PSMA8: variants seen among roughly 807,000 people sequenced by gnomAD.
PSMA8 encodes proteasome subunit alpha-type 8.
PSMA8 carries 18 observed loss-of-function variants against 32.4 expected under a neutral mutation model. The ratio of observed to expected loss-of-function variants is 0.56; its 90% CI spans 0.38 to 0.82. The LOEUF (loss-of-function observed/expected upper bound fraction) is 0.82. PSMA8 is among the 40% of genes least tolerant of loss of function. The pLI is 0.00. For missense variants in PSMA8, 298 were observed against 300.7 expected (o/e 0.99, Z 0.07); for synonymous variants, 104 against 98.1 (o/e 1.06, Z -0.36).
At chr18:26,141,463 T>A (rs1451383539) in intron 1 of PSMA8, among the ~76,000 whole-genome samples, 1 of 152,136 alleles carries the variant, frequency 6.6e-6, no homozygotes, top group Non-Finnish European at 1.5e-5. Context: ...ATTGTGAGAA[T>A]ATTTTGAGAT....
At chr18:26,170,928 G>C in intron 4 of PSMA8, 1 of 1,558,450 alleles carries the variant, frequency 6.4e-7, no homozygotes, top group Non-Finnish European at 8.6e-7. Context: ...CTTATAAACA[G>C]AACTGCCACC....
intron 6 of PSMA8, among the ~76,000 whole-genome samples, chr18:26,184,606 C>T (rs1313582885): frequency 1.3e-5 from 2 of 148,232 alleles, no homozygotes; most frequent in African/African-American, 2.5e-5. Context: ...AACCCCATCT[C>T]CACTAAAAAT....
intron 1 of PSMA8, among the ~76,000 whole-genome samples, chr18:26,140,947 C>T (rs1019638813): frequency 3.3e-5 from 5 of 152,138 alleles, no homozygotes; most frequent in African/African-American, 1.2e-4. Context: ...TTTTTCTACT[C>T]CGTAATATCT....
rs1178238876 is a variant in PSMA8 at position 26,163,243 on chromosome 18, A to G, written c.477+4999A>G. ...TATATATATATATATATATATATAT[A>G]TATATATATATATATATATGCTGTG... On this transcript the variant is annotated intron_variant, in intron 4 of 6. Transcript: ENST00000415576. Among the ~76,000 whole-genome samples, 46 of 124,188 alleles carry G rather than the reference A, an allele frequency of 3.7e-4. No individual in the cohort carries two copies. The East Asian group carries it at 6.2e-3, about 17-fold the overall frequency. The allele number at this position is 124,188 out of a possible 152,430, so 81.5% of individuals were successfully genotyped here. A position where few individuals can be genotyped will look rare whatever the true frequency, so the allele number is the denominator to read the frequency against.
intron 1 of PSMA8, among the ~76,000 whole-genome samples, chr18:26,143,752 C>T (rs938885063): frequency 1.3e-5 from 2 of 151,920 alleles, no homozygotes; most frequent in African/African-American, 4.8e-5. Flanking sequence ...GCTTGAGTCT[C>T]GCTCTGTTGC....
chr18:26,152,522 GC>G (rs1187928614), intron 3 of PSMA8, among the ~76,000 whole-genome samples: 1 of 151,996 alleles, frequency 6.6e-6, no homozygotes, highest in Non-Finnish European at 1.5e-5. Flanking sequence ...ATGGGGTTTT[GC>G]TATATTGCCC....
rs1380920210 is a variant in PSMA8 at position 26,192,300 on chromosome 18, A to T, written c.661-19A>T. 5 of 1,469,048 alleles carry T rather than the reference A, an allele frequency of 3.4e-6. No individual in the cohort carries two copies. Among genetic ancestry groups the T allele is most frequent in the Non-Finnish European group, 4.5e-6 (5 of 1,113,796 alleles). 91.0% of individuals were successfully genotyped at this position (1,469,048 alleles called of 1,614,324 possible). The stretch of plus-strand genomic sequence containing the variant: ...TCGTATAACTGACATTTGATCTTTA[A>T]ATTTTTTTCTCTTTTCAGATGTTTA... On this transcript the variant is annotated intron_variant, in intron 6 of 6. Transcript: ENST00000415576.
rs542562483 is a variant in PSMA8 at position 26,157,177 on chromosome 18, G to A, written c.355-945G>A. Among the ~76,000 whole-genome samples, 179 of 152,182 alleles carry A rather than the reference G, an allele frequency of 1.2e-3. 1 individual carries two copies. The highest frequency in any genetic ancestry group is 4.0e-3 in the African/African-American group (167 of 41,540). Reference sequence around the variant, plus strand: ...CATAGGCAAGACCAGGAAGAAGGCTGATGTAAAGCTATTTCAAGCCACAGT... The same window carrying A: ...CATAGGCAAGACCAGGAAGAAGGCTAATGTAAAGCTATTTCAAGCCACAGT... On this transcript the variant is annotated intron_variant, in intron 3 of 6. Coordinates refer to ENST00000415576, the MANE Select transcript of PSMA8 (RefSeq NM_001025096.2).
At position 26,169,657 on chromosome 18, in the gene PSMA8, T is replaced by C. The variant is rs1357949056; in HGVS notation, c.478-9173T>C. ...GAGTTCGAGACTAGCCTGACCAACA[T>C]GGCGAAACCCCATCTCTACCAAAAA... On this transcript the variant is annotated intron_variant, in intron 4 of 6. Transcript: ENST00000415576. Among the ~76,000 whole-genome samples, 2 of 129,116 alleles carry C rather than the reference T, an allele frequency of 1.5e-5. 1 individual carries two copies. Among genetic ancestry groups the C allele is most frequent in the Non-Finnish European group, 3.0e-5 (2 of 66,882 alleles). The allele number at this position is 129,116 out of a possible 152,430, so 84.7% of individuals were successfully genotyped here.
chr18:26,138,949 A>T (rs1377329449), intron 1 of PSMA8, among the ~76,000 whole-genome samples: 1 of 152,164 alleles, frequency 6.6e-6, no homozygotes, highest in Non-Finnish European at 1.5e-5. Context: ...TTGGGGGAAG[A>T]TAACTGTTTT....
At chr18:26,144,732 G>C in intron 2 of PSMA8, 47 bp downstream of exon 2, 1 of 1,586,284 alleles carries the variant, frequency 6.3e-7, no homozygotes, top group Non-Finnish European at 8.6e-7. Context: ...TACTGTAGTA[G>C]GGCAACACAG....
intron 4 of PSMA8, among the ~76,000 whole-genome samples, chr18:26,159,153 A>T (rs772543516): frequency 1.3e-5 from 2 of 152,222 alleles, no homozygotes; most frequent in African/African-American, 2.4e-5. Context: ...GATTTTAAAT[A>T]GTTTTCTACA....
In PSMA8 at chr18:26,156,345, G is replaced by A. The variant is rs140674692; in HGVS notation, c.355-1777G>A. ...GGTAAAGAAATCAGTATATCCAAGA[G>A]ATGTATGCACCCCTGTGTTTATCAC... is the stretch of plus-strand genomic sequence containing the variant. On this transcript the variant is annotated intron_variant, in intron 3 of 6. Transcript: ENST00000415576. 3.2e-3 allele frequency among the ~76,000 whole-genome samples: 489 copies of A among 152,206 alleles called. 3 individuals are homozygous for A. Among genetic ancestry groups the A allele is most frequent in the African/African-American group, 0.01 (433 of 41,538 alleles).
chr18:26,170,378 T>G (rs1226574252), intron 4 of PSMA8, among the ~76,000 whole-genome samples: 1 of 131,504 alleles, frequency 7.6e-6, no homozygotes, highest in Non-Finnish European at 1.5e-5. Flanking sequence ...CTAGTGAAAC[T>G]GCTCAGTTGA....
chr18:26,145,545 C>T (rs2054995918), intron 2 of PSMA8, among the ~76,000 whole-genome samples: 1 of 152,180 alleles, frequency 6.6e-6, no homozygotes, highest in South Asian at 2.1e-4. Context: ...TCTCTACTTT[C>T]TGGAAACTGC....
intron 1 of PSMA8, 38 bp from the exon 2 acceptor site, chr18:26,144,521 T>A (rs1357213380): frequency 6.4e-7 from 1 of 1,566,788 alleles, no homozygotes; most frequent in African/African-American, 1.4e-5. Context: ...TATTTTAAAC[T>A]GACATCTGAA....
intron 4 of PSMA8, among the ~76,000 whole-genome samples, chr18:26,176,911 C>T (rs1049673211): frequency 1.3e-5 from 2 of 151,942 alleles, no homozygotes; most frequent in Non-Finnish European, 2.9e-5. Flanking sequence ...CCAGCCTGGG[C>T]GACAGAGTGA....
chr18:26,151,889 C>T lies in PSMA8; in HGVS notation c.261C>T (p.Asn87=). The T allele has an allele frequency of 8.7e-6, 14 of 1,610,574 alleles. No homozygotes were observed. The highest frequency in any genetic ancestry group is 1.2e-5 in the Non-Finnish European group (14 of 1,178,502). Residue 87 remains asparagine, a synonymous_variant, in exon 3 of 7, where the codon AAC becomes AAT. Coordinates refer to ENST00000415576, the MANE Select transcript of PSMA8 (RefSeq NM_001025096.2). ...CTGCTGATGCTAGAGTAGTAATAAACAGAGCCCGTGTGGAGTGCCAGAGCC... is the reference window on the plus strand; with the variant it reads ...CTGCTGATGCTAGAGTAGTAATAAATAGAGCCCGTGTGGAGTGCCAGAGCC... ...GLTADARVVI[N]RARVECQSHK... is the part of the protein sequence containing the mutation.
Position 26,158,125 on chromosome 18 carries a change from T to A in PSMA8, c.358T>A (p.Tyr120Asn), listed in dbSNP as rs774093141. 1.9e-6 allele frequency: 3 copies of A among 1,574,260 alleles called. No individual in the cohort carries two copies. In the Admixed American group the frequency reaches 5.5e-5, roughly 29 times the overall value. The change falls in exon 4 of 7, where the codon TAT becomes AAT. Residue 120 changes from tyrosine (Y) to asparagine (N), a missense_variant. By Grantham distance (143) the Tyr-to-Asn change is moderately radical (BLOSUM62 -2). Coordinates refer to ENST00000415576, the MANE Select transcript of PSMA8 (RefSeq NM_001025096.2). ...TRFIATLKQK[Y>N]TQSNGRRPFG... ...AAAATACGTTTTATTTTTCTAGAAATATACCCAAAGCAATGGACGAAGACC... is the reference window on the plus strand; with the variant it reads ...AAAATACGTTTTATTTTTCTAGAAAAATACCCAAAGCAATGGACGAAGACC...
Sources: gnomAD v4.1 joint callset for allele counts (sites outside exome capture counted in the v4.1 genomes callset) on GRCh38, gnomAD v4.1.1 for gene constraint, MANE v1.5 for transcripts, NCBI Gene and HGNC (gene_info 2026-07-23, HGNC 2026-07-21) for gene names.